The following NFKBIB variants were observed in gnomAD, a reference collection of about 807,000 sequenced individuals.
NFKBIB encodes NF-kappa-B inhibitor beta.
A neutral mutation model predicts 32.1 loss-of-function variants in NFKBIB; 16 were observed. The observed-to-expected ratio is 0.50, with a 90% CI of 0.34 to 0.76. NFKBIB has a LOEUF of 0.76. NFKBIB is among the 30% of genes least tolerant of loss of function. NFKBIB has a pLI of 0.01. For synonymous variants in NFKBIB, 222 were observed against 219.5 expected (o/e 1.01, Z -0.10); for missense variants, 437 against 514.9 (o/e 0.85, Z 1.46).
Position 38,905,371 on chromosome 19 carries a change from G to C in NFKBIB, c.455G>C (p.Arg152Pro), listed in dbSNP as rs563622532. 2 of 1,612,646 alleles carry C rather than the reference G, an allele frequency of 1.2e-6. No homozygotes were observed. The highest frequency in any genetic ancestry group is 1.3e-5 in the African/African-American group (1 of 74,898). Reference sequence around the variant, plus strand: ...CGTGCCCTGCTTCAGCCCCGCCCCCGGCGCCCCAGGGAAGCCCCCGACACC... The same window carrying C: ...CGTGCCCTGCTTCAGCCCCGCCCCCCGCGCCCCAGGGAAGCCCCCGACACC... ...CARALLQPRP[R>P]RPREAPDTYL... Residue 152 changes from arginine to proline, a missense_variant, in exon 3 of 6, where the codon CGG becomes CCG. Coordinates refer to ENST00000313582, the MANE Select transcript of NFKBIB (RefSeq NM_002503.5). The surrounding 1 kb of genome is among the most constrained non-coding windows in gnomAD (Gnocchi z 5.5).
intron 1 of NFKBIB, among the ~76,000 whole-genome samples, chr19:38,904,691 T>C (rs11879872): frequency 0.29 from 43,863 of 152,012 alleles, 6,851 homozygotes; most frequent in African/African-American, 0.41. Context: ...CTGTGATTCA[T>C]TGCACGATGT....
intron 3 of NFKBIB, among the ~76,000 whole-genome samples, chr19:38,906,641 T>C (rs1974132444): frequency 6.6e-6 from 1 of 151,742 alleles, no homozygotes; most frequent in Admixed American, 6.6e-5. Context: ...AGCTAATTTT[T>C]TGTATTTTTA....
chr19:38,902,882 T>A (rs556014945), intron 1 of NFKBIB, among the ~76,000 whole-genome samples: 18 of 152,230 alleles, frequency 1.2e-4, no homozygotes, highest in Non-Finnish European at 2.2e-4. Context: ...GAGACCATCC[T>A]GGCTAACATG....
intron 1 of NFKBIB, among the ~76,000 whole-genome samples, chr19:38,903,704 C>A (rs755303047): frequency 5.9e-5 from 9 of 152,126 alleles, no homozygotes; most frequent in Non-Finnish European, 1.3e-4. Flanking sequence ...TCTTTACATG[C>A]CTGATAATCT....
intron 1 of NFKBIB, among the ~76,000 whole-genome samples, chr19:38,902,309 A>T (rs1029221875): frequency 2.6e-4 from 40 of 151,150 alleles, no homozygotes; most frequent in Admixed American, 8.6e-4. Flanking sequence ...TGACCTTGTG[A>T]TCCGCCCGCC....
At chr19:38,902,846 C>T (rs925307534) in intron 1 of NFKBIB, among the ~76,000 whole-genome samples, 33 of 152,148 alleles carry the variant, frequency 2.2e-4, no homozygotes, top group African/African-American at 7.9e-4. Context: ...GGAGCCAAGG[C>T]GGACAGATCA....
chr19:38,908,065 G>A, intron 5 of NFKBIB: 1 of 1,063,032 alleles, frequency 9.4e-7, no homozygotes, highest in Non-Finnish European at 1.1e-6. Flanking sequence ...GCCAGCGGTG[G>A]GGAGAGATAT....
At chr19:38,899,957 G>A (rs56351357), upstream of NFKBIB, 1,336 of 1,393,570 alleles carry the variant, frequency 9.6e-4, 3 homozygotes, top group Non-Finnish European at 1.2e-3. Context: ...TTCCCGCAGG[G>A]CGGAAGCTCC....
intron 1 of NFKBIB, among the ~76,000 whole-genome samples, chr19:38,901,644 C>T (rs1382995387): frequency 1.3e-5 from 2 of 152,048 alleles, no homozygotes; most frequent in East Asian, 3.8e-4. Context: ...GGCACGTGCC[C>T]CCACACCTGG....
At chr19:38,899,967 C>T, upstream of NFKBIB, 3 of 1,420,444 alleles carry the variant, frequency 2.1e-6, no homozygotes, top group South Asian at 4.4e-5. Flanking sequence ...GCGGAAGCTC[C>T]AGAACTCCCG....
intron 1 of NFKBIB, among the ~76,000 whole-genome samples, chr19:38,902,481 A>G (rs953054149): frequency 2.0e-5 from 3 of 152,064 alleles, no homozygotes; most frequent in African/African-American, 7.2e-5. Flanking sequence ...CTAGCCAGCC[A>G]TCTGCTTTTG....
chr19:38,907,548 C>A lies in NFKBIB; in HGVS notation c.858C>A (p.Asn286Lys). 6.2e-7 allele frequency: 1 copy of A among 1,612,598 alleles called. No individual in the cohort carries two copies. The highest frequency in any genetic ancestry group is 8.5e-7 in the Non-Finnish European group (1 of 1,179,704). The change falls in exon 5 of 6, where the codon AAC becomes AAA. Residue 286 changes from asparagine to lysine, a missense_variant. Physicochemically the swap from Asn to Lys is moderately conservative, Grantham distance 94. Transcript: ENST00000313582. ...TPLGSAMLRP[N>K]PILARLLRAH... ...TCGGCAGTGCCATGCTCCGGCCCAA[C>A]CCCATCCTCGCCCGCCTCCTCCGTG...
chr19:38,901,368 T>C (rs1973955441), intron 1 of NFKBIB, among the ~76,000 whole-genome samples: 1 of 152,160 alleles, frequency 6.6e-6, no homozygotes, highest in Non-Finnish European at 1.5e-5. Flanking sequence ...TGATCATGGC[T>C]TACTATAGCC....
At chr19:38,907,907 G>A (rs1480079558) in intron 5 of NFKBIB, 31 of 1,357,576 alleles carry the variant, frequency 2.3e-5, no homozygotes, top group Admixed American at 6.6e-5. Context: ...GAGAAAAGGC[G>A]TTGGTCGCAG....
rs1256125410 is a variant in NFKBIB at position 38,905,813 on chromosome 19, G to A, written c.619+278G>A. ...GCCAGGATCCAGTTGTCGGGCCCCC[G>A]GGCTCCCCACCTGCAGAGTGTATTG... On this transcript the variant is annotated intron_variant, in intron 3 of 5. Transcript: ENST00000313582. The surrounding 1 kb of genome is among the most constrained non-coding windows in gnomAD (Gnocchi z 5.5). Among the ~76,000 whole-genome samples the A allele has an allele frequency of 1.3e-5, 2 of 152,070 alleles. No homozygotes were observed. Among genetic ancestry groups the A allele is most frequent in the Non-Finnish European group, 2.9e-5 (2 of 67,996 alleles).
At chr19:38,903,895 C>G (rs1974037254) in intron 1 of NFKBIB, among the ~76,000 whole-genome samples, 1 of 151,708 alleles carries the variant, frequency 6.6e-6, no homozygotes, top group Non-Finnish European at 1.5e-5. Flanking sequence ...ATGGTGAAAC[C>G]CTGTCTGTAC....
At chr19:38,908,697 C>T (rs775406362) in intron 5 of NFKBIB, 34 bp from the exon 6 acceptor site, 1 of 1,590,540 alleles carries the variant, frequency 6.3e-7, no homozygotes. Context: ...TGACAGCCGC[C>T]TGAGCCCCTC....
intron 5 of NFKBIB, chr19:38,908,008 T>C: frequency 8.8e-7 from 1 of 1,140,996 alleles, no homozygotes; most frequent in African/African-American, 1.6e-5. Flanking sequence ...AAAGAAAACC[T>C]TGGGTGGCAG....
intron 3 of NFKBIB, 48 bp from the exon 4 acceptor site, chr19:38,907,172 TG>T (rs563209299): frequency 1.2e-4 from 176 of 1,504,880 alleles, no homozygotes; most frequent in South Asian, 4.1e-4. Flanking sequence ...CACGGTGGGG[TG>T]GGGGGGGCCC....
Sources: allele counts gnomAD v4.1 joint callset (sites outside exome capture counted in the v4.1 genomes callset), GRCh38; gene constraint gnomAD v4.1.1; non-coding constraint Gnocchi (gnomAD v3.1); transcripts MANE v1.5; gene names NCBI Gene and HGNC (gene_info 2026-07-23, HGNC 2026-07-21).